DNAH3: variants seen among roughly 807,000 people sequenced by gnomAD.
DNAH3 encodes axonemal beta dynein heavy chain 3.
DNAH3 carries 332 observed loss-of-function variants against 432.5 expected under a neutral mutation model. The observed-to-expected ratio is 0.77, with a 90% CI of 0.70 to 0.84. The LOEUF (loss-of-function observed/expected upper bound fraction) is 0.84, where lower values mean the gene tolerates loss of function less well. DNAH3 is among the 40% of genes least tolerant of loss of function. The pLI is 0.00. For missense variants in DNAH3, 4,861 were observed against 5,114.0 expected (o/e 0.95, Z 1.51); for synonymous variants, 1,956 against 1,900.2 (o/e 1.03, Z -0.76).
At chr16:21,096,045 C>G (rs2091668360) in intron 18 of DNAH3, among the ~76,000 whole-genome samples, 1 of 152,084 alleles carries the variant, frequency 6.6e-6, no homozygotes, top group African/African-American at 2.4e-5. Context: ...GCTGGGATTA[C>G]AGGTATGAGC....
exon 37 of DNAH3, chr16:21,031,077 T>A (rs1290506914): frequency 1.2e-6 from 2 of 1,614,172 alleles, no homozygotes; most frequent in South Asian, 2.2e-5. Flanking sequence ...GTGTTCATAT[T>A]TTCAATCCAA....
At position 21,085,756 on chromosome 16, in the gene DNAH3, T is replaced by C. The variant is rs569373888; in HGVS notation, c.2877+1093A>G. 1.2e-4 allele frequency among the ~76,000 whole-genome samples: 19 copies of C among 152,100 alleles called. No individual in the cohort carries two copies. In the East Asian group the frequency reaches 1.5e-3, roughly 12 times the overall value. ...TTGTCACTGTGTTGTCATTGGGTCC[T>C]TTCAGAGAGAATTTCCTCAGTCTTA... On this transcript the variant is annotated intron_variant, in intron 19 of 61. Coordinates refer to ENST00000261383, the Ensembl canonical transcript of DNAH3.
chr16:21,025,721 TTTGTTG>T (rs553060469), intron 38 of DNAH3, among the ~76,000 whole-genome samples: 4 of 151,640 alleles, frequency 2.6e-5, no homozygotes, highest in African/African-American at 4.8e-5. Flanking sequence ...AATTCACTCT[TTTGTTG>T]TTGTTGTTGT....
intron 9 of DNAH3, 79 bp downstream of exon 10, chr16:21,125,096 G>A (rs957483237): frequency 9.8e-6 from 12 of 1,223,172 alleles, no homozygotes; most frequent in East Asian, 7.4e-5. Flanking sequence ...AGCTGAGGAC[G>A]TACATGACAG....
chr16:21,118,051 G>A (rs915102712), intron 11 of DNAH3, among the ~76,000 whole-genome samples: 3 of 150,080 alleles, frequency 2.0e-5, no homozygotes, highest in South Asian at 2.1e-4. Flanking sequence ...GCAGTGGCAC[G>A]ATCTGGGCTC....
intron 28 of DNAH3, 58 bp from the exon 29 acceptor site, chr16:21,051,926 G>A (rs1235132342): frequency 7.0e-7 from 1 of 1,425,610 alleles, no homozygotes; most frequent in Non-Finnish European, 9.9e-7. Context: ...CTCCATCTTT[G>A]TAAGCTCCTC....
chr16:21,071,898 C>G (rs181680513), intron 21 of DNAH3, among the ~76,000 whole-genome samples: 1 of 152,062 alleles, frequency 6.6e-6, no homozygotes, highest in Non-Finnish European at 1.5e-5. Flanking sequence ...GTAGGAAGAT[C>G]GGCTGCTAAT....
At chr16:21,133,445 T>G (rs11859960) in intron 7 of DNAH3, among the ~76,000 whole-genome samples, 3,254 of 151,568 alleles carry the variant, frequency 0.021, 124 homozygotes, top group African/African-American at 0.074. Context: ...AATGTTCTAT[T>G]ATAACCAAGG....
chr16:21,099,393 G>A (rs1281133957), intron 16 of DNAH3, among the ~76,000 whole-genome samples: 1 of 152,052 alleles, frequency 6.6e-6, no homozygotes, highest in African/African-American at 2.4e-5. Context: ...AATAAAATAG[G>A]GCAGAATGAC....
chr16:21,128,495 C>A (rs186592384), intron 7 of DNAH3, among the ~76,000 whole-genome samples: 4 of 152,008 alleles, frequency 2.6e-5, no homozygotes, highest in Non-Finnish European at 5.9e-5. Context: ...GAGTTCAAGA[C>A]CAGCCTGGCC....
At chr16:21,096,139 T>C (rs77719133) in intron 18 of DNAH3, among the ~76,000 whole-genome samples, 3,765 of 151,744 alleles carry the variant, frequency 0.025, 67 homozygotes, top group Non-Finnish European at 0.035. Flanking sequence ...CTCTGATTTT[T>C]TTTTTTTTTT....
chr16:21,140,475 T>C (rs542674258), intron 5 of DNAH3, 61 bp downstream of exon 6: 1 of 1,534,106 alleles, frequency 6.5e-7, no homozygotes, highest in South Asian at 1.2e-5. Context: ...GAATTTAGAA[T>C]CACTGAGATG....
chr16:21,075,536 T>C, exon 21 of DNAH3: 2 of 1,614,010 alleles, frequency 1.2e-6, no homozygotes, highest in South Asian at 2.2e-5. Flanking sequence ...TATTCCTTGC[T>C]GGCAGCTGCA....
chr16:20,988,401 A>G (rs1450359827), intron 44 of DNAH3, among the ~76,000 whole-genome samples: 2 of 152,130 alleles, frequency 1.3e-5, no homozygotes, highest in Non-Finnish European at 2.9e-5. Flanking sequence ...TTATTATATC[A>G]TATCATGTTG....
intron 44 of DNAH3, among the ~76,000 whole-genome samples, chr16:20,989,178 G>C (rs1056300303): frequency 1.3e-4 from 20 of 152,178 alleles, no homozygotes; most frequent in Non-Finnish European, 2.8e-4. Flanking sequence ...CCTGCTGATT[G>C]GTAGAGCCGA....
At chr16:21,020,397 A>ATATATTT (rs1555530020) in intron 40 of DNAH3, among the ~76,000 whole-genome samples, 5 of 34,588 alleles carry the variant, frequency 1.4e-4, no homozygotes, top group Non-Finnish European at 2.3e-4. Context: ...ATATATATAT[A>ATATATTT]TTTTTTTTTT....
rs559906799 is a variant in DNAH3 at position 21,028,179 on chromosome 16, T to C, written c.5440-1052A>G. 1.6e-4 allele frequency among the ~76,000 whole-genome samples: 25 copies of C among 152,164 alleles called. 1 individual carries two copies. The East Asian group carries it at 3.9e-3, about 24-fold the overall frequency. ...TTTTTTATTTTTTGTTTTTTGTTTTTAGATTAAATCAATGTTTCCATAATA... is the reference window on the plus strand; with the variant it reads ...TTTTTTATTTTTTGTTTTTTGTTTTCAGATTAAATCAATGTTTCCATAATA... On this transcript the variant is annotated intron_variant, in intron 37 of 61. Transcript: ENST00000261383.
intron 41 of DNAH3, among the ~76,000 whole-genome samples, chr16:21,004,527 CCTG>C (rs779456737): frequency 2.0e-4 from 31 of 152,196 alleles, no homozygotes; most frequent in Non-Finnish European, 4.3e-4. Context: ...GCCACCACGC[CCTG>C]CTAATTTTTG....
chr16:21,092,936 T>TG (rs1208653581), intron 18 of DNAH3, among the ~76,000 whole-genome samples: 1 of 152,144 alleles, frequency 6.6e-6, no homozygotes, highest in Non-Finnish European at 1.5e-5. Context: ...TGGCTGGGTA[T>TG]GGTGGCTCAT....
Sources: allele counts gnomAD v4.1 joint callset (sites outside exome capture counted in the v4.1 genomes callset), GRCh38; gene constraint gnomAD v4.1.1; transcripts MANE v1.5; gene names NCBI Gene and HGNC (gene_info 2026-07-23, HGNC 2026-07-21).